SLC14A2: variants seen among roughly 807,000 people sequenced by gnomAD.
The protein encoded by SLC14A2 is solute carrier family 14 member 2.
In SLC14A2, 91 loss-of-function variants were observed where a neutral mutation model predicts 104.6. That is an observed-to-expected ratio of 0.87 (90% CI 0.73 to 1.04). The LOEUF (loss-of-function observed/expected upper bound fraction) is 1.04, where lower values mean the gene tolerates loss of function less well. SLC14A2 is among the 50% of genes least tolerant of loss of function. The pLI is 0.00. For missense variants in SLC14A2, 1,189 were observed against 1,156.0 expected, an observed-to-expected ratio of 1.03 and a Z score of -0.41; for synonymous variants, 476 against 466.4, an observed-to-expected ratio of 1.02 and a Z score of -0.27.
At chr18:45,438,130 T>C (rs1335958958) in intron 1 of SLC14A2, 2 of 152,232 alleles carry the variant, frequency 1.3e-5, no homozygotes, top group African/African-American at 4.8e-5. Flanking sequence ...TCAGTAAGTA[T>C]ACAATGTAGT....
At chr18:45,193,978 G>A in the SLC14A2 span, among the ~76,000 whole-genome samples, 1 of 151,926 alleles carries the variant, frequency 6.6e-6, no homozygotes, top group Admixed American at 6.6e-5. Flanking sequence ...TGTTATAAAT[G>A]GCATTTCCTA....
At chr18:45,678,034 G>T (rs2046255215) in intron 18 of SLC14A2, among the ~76,000 whole-genome samples, 1 of 152,134 alleles carries the variant, frequency 6.6e-6, no homozygotes, top group Admixed American at 6.5e-5. Context: ...GCCCAGACTG[G>T]TCTCAAACTC....
intron 15 of SLC14A2, among the ~76,000 whole-genome samples, chr18:45,669,016 C>G (rs1225030250): frequency 6.6e-6 from 1 of 152,264 alleles, no homozygotes; most frequent in Non-Finnish European, 1.5e-5. Flanking sequence ...ATTCCCTCCC[C>G]TCGGCCTCCC....
chr18:45,180,747 C>G, the SLC14A2 span, among the ~76,000 whole-genome samples: 2 of 152,048 alleles, frequency 1.3e-5, no homozygotes, highest in Non-Finnish European at 2.9e-5. Flanking sequence ...TCAACTAAAA[C>G]TTAGTGAAAT....
At position 45,682,867 on chromosome 18, in the gene SLC14A2, G is replaced by A. The variant is rs796484825; in HGVS notation, c.*348G>A. 6.0e-5 allele frequency: 15 copies of A among 250,334 alleles called. No individual in the cohort carries two copies. The highest frequency in any genetic ancestry group is 2.9e-4 in the African/African-American group (13 of 45,508). The allele number at this position is 250,334 out of a possible 1,614,324, so 15.5% of individuals were successfully genotyped here. On this transcript the variant is annotated 3_prime_UTR_variant, in exon 20 of 20. Coordinates refer to ENST00000255226, the MANE Select transcript of SLC14A2 (RefSeq NM_007163.4). ...CCCAGCACTTTGGGAGGCCGAGGCG[G>A]GTGGATCACGAGGTCAGGAGATCGA...
chr18:45,553,075 G>C (rs1378070518), intron 2 of SLC14A2, among the ~76,000 whole-genome samples: 1 of 152,154 alleles, frequency 6.6e-6, no homozygotes, highest in East Asian at 1.9e-4. Flanking sequence ...CAGGTGACAG[G>C]GTAGATCAGG....
At position 45,661,838 on chromosome 18, in the gene SLC14A2, C is replaced by T. The variant is rs117307720; in HGVS notation, c.1352-1947C>T. Among the ~76,000 whole-genome samples the T allele has an allele frequency of 2.6e-4, 39 of 152,312 alleles. No homozygotes were observed. The East Asian group carries it at 3.9e-3, about 15-fold the overall frequency. On this transcript the variant is annotated intron_variant, in intron 10 of 19. Coordinates refer to ENST00000255226, the MANE Select transcript of SLC14A2 (RefSeq NM_007163.4). ...ATGAACCCTGCCTGCACAGACGTCC[C>T]AGGACAAGTTGACACTCCAGGTATC... is the stretch of plus-strand genomic sequence containing the variant.
At chr18:45,210,451 C>T (rs1271592333), upstream of SLC14A2, among the ~76,000 whole-genome samples, 1 of 152,140 alleles carries the variant, frequency 6.6e-6, no homozygotes, top group Non-Finnish European at 1.5e-5. Flanking sequence ...TGGGGGTGTG[C>T]ACCTGTAGTT....
chr18:45,416,101 G>A (rs774672583), intron 1 of SLC14A2, among the ~76,000 whole-genome samples: 13 of 152,096 alleles, frequency 8.5e-5, no homozygotes, highest in Non-Finnish European at 1.5e-4. Flanking sequence ...TGAAGAGAGC[G>A]TTTGAGTCCT....
intron 1 of SLC14A2, among the ~76,000 whole-genome samples, chr18:45,423,196 C>T (rs1187718517): frequency 6.6e-6 from 1 of 152,148 alleles, no homozygotes; most frequent in Non-Finnish European, 1.5e-5. Flanking sequence ...AGTTGTATTC[C>T]AGCACCGTCC....
At chr18:45,318,037 G>A (rs921599017) in intron 1 of SLC14A2, among the ~76,000 whole-genome samples, 12 of 152,258 alleles carry the variant, frequency 7.9e-5, no homozygotes, top group Admixed American at 5.9e-4. Flanking sequence ...CAGCCTCAGC[G>A]GGAGCTAGGA....
At chr18:45,576,272 C>CTTTT (rs776335445) in intron 2 of SLC14A2, among the ~76,000 whole-genome samples, 1,890 of 90,598 alleles carry the variant, frequency 0.021, 61 homozygotes, top group Middle Eastern at 0.035. Context: ...GGAGCAGGGG[C>CTTTT]TTTTTTTTTT....
intron 1 of SLC14A2, among the ~76,000 whole-genome samples, chr18:45,414,241 G>A (rs1174861216): frequency 6.6e-6 from 1 of 152,178 alleles, no homozygotes; most frequent in African/African-American, 2.4e-5. Flanking sequence ...TGTCAAGCCT[G>A]GCACTCAACA....
Position 45,668,168 on chromosome 18 carries a change from A to T in SLC14A2, c.1907+146A>T. On this transcript the variant is annotated intron_variant, in intron 14 of 19. Coordinates refer to ENST00000255226, the MANE Select transcript of SLC14A2 (RefSeq NM_007163.4). ...TGTTCCCTGGTTATTTTGTCATAGC[A>T]ACATATTTCTAGAGAAATATGAAGG... The T allele has an allele frequency of 2.7e-6, 3 of 1,118,824 alleles. No individual in the cohort carries two copies. The South Asian group carries it at 4.6e-5, about 17-fold the overall frequency. 69.3% of individuals were successfully genotyped at this position (1,118,824 alleles called of 1,614,324 possible). A position where few individuals can be genotyped will look rare whatever the true frequency, so the allele number is the denominator to read the frequency against.
rs747922302 is a variant in SLC14A2 at position 45,625,607 on chromosome 18, C to T, written c.151-76C>T. The T allele has an allele frequency of 5.4e-4, 674 of 1,251,332 alleles. 1 individual carries two copies. The Middle Eastern group carries it at 6.9e-3, about 13-fold the overall frequency. The allele number at this position is 1,251,332 out of a possible 1,614,324, so 77.5% of individuals were successfully genotyped here. On this transcript the variant is annotated intron_variant, in intron 2 of 19. Coordinates refer to ENST00000255226, the MANE Select transcript of SLC14A2 (RefSeq NM_007163.4). Reference sequence around the variant, plus strand: ...CCTTTATTTTTATCAAAAAACCTGCCACCCTCCTCTATCCCCAAATGTCCC... The same window carrying T: ...CCTTTATTTTTATCAAAAAACCTGCTACCCTCCTCTATCCCCAAATGTCCC...
intron 2 of SLC14A2, chr18:45,528,011 T>C (rs895664023): frequency 1.3e-5 from 2 of 152,274 alleles, no homozygotes; most frequent in South Asian, 2.1e-4. Flanking sequence ...TGTGTGCCCA[T>C]AGGGCCACCA....
intron 1 of SLC14A2, among the ~76,000 whole-genome samples, chr18:45,225,112 T>G (rs910899257): frequency 6.6e-6 from 1 of 152,226 alleles, no homozygotes; most frequent in African/African-American, 2.4e-5. Context: ...TTCTAGGGTT[T>G]TTATGGTTCT....
intron 2 of SLC14A2, among the ~76,000 whole-genome samples, chr18:45,507,018 C>T (rs1315730616): frequency 6.6e-6 from 1 of 152,224 alleles, no homozygotes; most frequent in Admixed American, 6.5e-5. Flanking sequence ...CCTGTCTTCA[C>T]TGTCCTTTCC....
chr18:45,632,316 C>T (rs1414784017), intron 4 of SLC14A2, 34 bp from the exon 5 acceptor site: 3 of 1,602,474 alleles, frequency 1.9e-6, no homozygotes, highest in Middle Eastern at 1.7e-4. Flanking sequence ...ACACCACCAA[C>T]TTCAAATGCA....
Sources: gnomAD v4.1 joint callset for allele counts (sites outside exome capture counted in the v4.1 genomes callset) on GRCh38, gnomAD v4.1.1 for gene constraint, MANE v1.5 for transcripts, NCBI Gene and HGNC (gene_info 2026-07-23, HGNC 2026-07-21) for gene names.